The following ABCC4 variants were observed in gnomAD, a reference collection of about 807,000 sequenced individuals.
ABCC4 encodes the protein ATP binding cassette subfamily C member 4 (PEL blood group), also known as ATP-binding cassette sub-family C member 4.
A neutral mutation model predicts 168.5 loss-of-function variants in ABCC4; 102 were observed. The ratio of observed to expected loss-of-function variants is 0.61; its 90% CI spans 0.52 to 0.71. The LOEUF is 0.71. Ranked by LOEUF, ABCC4 falls within the 30% of genes least tolerant of loss-of-function variation. ABCC4 has a pLI of 0.00. For synonymous variants in ABCC4, 617 were observed against 590.7 expected, an observed-to-expected ratio of 1.04 and a Z score of -0.65; for missense variants, 1,402 against 1,605.8, an observed-to-expected ratio of 0.87 and a Z score of 2.17.
intron 4 of ABCC4, among the ~76,000 whole-genome samples, chr13:95,225,979 AAAAAAG>A: frequency 6.7e-6 from 1 of 148,752 alleles, no homozygotes; most frequent in African/African-American, 2.5e-5. Context: ...AAAAAAAAAA[AAAAAAG>A]AAAAAGAAAT....
chr13:95,021,701 AGCAT>A lies in ABCC4; in HGVS notation c.3871-23_3871-20del. On this transcript the variant is annotated intron_variant, in intron 30 of 30. Transcript: ENST00000645237. ...AGTATACCTAGAAAAAAAAAAGGTA[AGCAT>A]AAAAAGAATGTTTCAAAATTTTAAA... The A allele has an allele frequency of 6.5e-7, 1 of 1,534,360 alleles. No homozygotes were observed. The highest frequency in any genetic ancestry group is 9.0e-7 in the Non-Finnish European group (1 of 1,115,934).
rs59665124 is a variant in ABCC4 at position 95,124,713 on chromosome 13, G to GAAA, written c.2456-8715_2456-8713dup. ...GTGAAACCCTGTCTCTACTAAAAAC[G>GAAA]AAAAAAAAAAAAAAAAAAAAAGCCA... is the stretch of plus-strand genomic sequence containing the variant. On this transcript the variant is annotated intron_variant, in intron 19 of 30. Transcript: ENST00000645237. Among the ~76,000 whole-genome samples, 535 of 59,172 alleles carry GAAA rather than the reference G, an allele frequency of 9.0e-3. 66 individuals carry two copies. Among genetic ancestry groups the GAAA allele is most frequent in the African/African-American group, 0.035 (433 of 12,394 alleles). 38.8% of individuals were successfully genotyped at this position (59,172 alleles called of 152,430 possible).
chr13:95,270,354 A>G (rs552213420), intron 1 of ABCC4, among the ~76,000 whole-genome samples: 1,875 of 119,810 alleles, frequency 0.016, 34 homozygotes, highest in African/African-American at 0.072. Flanking sequence ...AAAAAAAAAA[A>G]AAAGAAAGAA....
intron 19 of ABCC4, among the ~76,000 whole-genome samples, chr13:95,143,985 C>T (rs940577309): frequency 2.0e-5 from 3 of 152,038 alleles, no homozygotes; most frequent in Admixed American, 6.6e-5. Context: ...GTGAAGAAGA[C>T]AGAGGTTAAA....
intron 26 of ABCC4, among the ~76,000 whole-genome samples, chr13:95,059,586 T>G (rs1448393259): frequency 1.3e-5 from 2 of 152,186 alleles, no homozygotes; most frequent in Non-Finnish European, 2.9e-5. Flanking sequence ...TAGCCTCACC[T>G]TTTGTTCCTT....
At chr13:95,088,450 C>T (rs570517356) in intron 20 of ABCC4, among the ~76,000 whole-genome samples, 2 of 152,268 alleles carry the variant, frequency 1.3e-5, no homozygotes, top group South Asian at 4.1e-4. Context: ...TGCATAAACA[C>T]ACTTTTCAAG....
chr13:95,167,508 A>G (rs1009988827), intron 14 of ABCC4, among the ~76,000 whole-genome samples: 1 of 151,928 alleles, frequency 6.6e-6, no homozygotes, highest in African/African-American at 2.4e-5. Context: ...AATCCTCCCC[A>G]CCCCCAAAAG....
At chr13:95,260,315 C>T (rs1163102180) in intron 1 of ABCC4, among the ~76,000 whole-genome samples, 1 of 152,092 alleles carries the variant, frequency 6.6e-6, no homozygotes, top group Non-Finnish European at 1.5e-5. Context: ...ATATGTTACC[C>T]AATTATGCCT....
At chr13:95,246,935 G>T in intron 3 of ABCC4, 40 bp downstream of exon 3, 1 of 1,601,704 alleles carries the variant, frequency 6.2e-7, no homozygotes. Flanking sequence ...TTTACTCTAT[G>T]TGTCCTGAAA....
At chr13:95,213,626 A>AC (rs1452321221) in intron 4 of ABCC4, among the ~76,000 whole-genome samples, 2 of 40,286 alleles carry the variant, frequency 5.0e-5, no homozygotes, top group African/African-American at 1.4e-4. Context: ...GGAAATCTCC[A>AC]CTGGGCCTCA....
At chr13:95,211,292 G>A (rs747843291) in intron 4 of ABCC4, among the ~76,000 whole-genome samples, 6 of 152,176 alleles carry the variant, frequency 3.9e-5, no homozygotes, top group Non-Finnish European at 8.8e-5. Flanking sequence ...GACACCAGGA[G>A]CCCCAGCAGA....
intron 9 of ABCC4, among the ~76,000 whole-genome samples, chr13:95,191,615 G>A (rs996260986): frequency 6.6e-6 from 1 of 152,208 alleles, no homozygotes; most frequent in Non-Finnish European, 1.5e-5. Flanking sequence ...TATATAAGGT[G>A]TTCCTCCTCT....
chr13:95,164,834 A>G (rs1380529670), intron 15 of ABCC4, among the ~76,000 whole-genome samples: 1 of 152,174 alleles, frequency 6.6e-6, no homozygotes, highest in Non-Finnish European at 1.5e-5. Context: ...AGCAGGGATT[A>G]CAGATGCCTG....
At chr13:95,044,479 C>A in intron 27 of ABCC4, 41 bp from the exon 28 acceptor site, 1 of 1,558,284 alleles carries the variant, frequency 6.4e-7, no homozygotes, top group Non-Finnish European at 8.7e-7. Context: ...TCATTCAAGC[C>A]GCTATGGAAG....
At chr13:95,022,690 T>G (rs919414032) in intron 30 of ABCC4, among the ~76,000 whole-genome samples, 1 of 152,220 alleles carries the variant, frequency 6.6e-6, no homozygotes, top group East Asian at 1.9e-4. Flanking sequence ...GGTCTCTTAG[T>G]CATACGATTC....
In ABCC4 at chr13:95,083,144, AGATT is replaced by A. The variant is rs1218796050; in HGVS notation, c.2678_2681del (p.Glu893ValfsTer49). The A allele has an allele frequency of 1.2e-6, 2 of 1,613,818 alleles. No individual in the cohort carries two copies. Among genetic ancestry groups the A allele is most frequent in the Non-Finnish European group, 1.7e-6 (2 of 1,179,900 alleles). ...AACCCGAGTTTCCATACTCACTTGT[AGATT>A]CCAGGCGCTTCACATCTCTTGACGT... On this transcript the variant is annotated frameshift_variant, in exon 21 of 31. Coordinates refer to ENST00000645237, the MANE Select transcript of ABCC4 (RefSeq NM_005845.5). LOFTEE classifies it high-confidence loss of function.
intron 8 of ABCC4, among the ~76,000 whole-genome samples, chr13:95,197,344 G>A (rs543649841): frequency 2.0e-5 from 3 of 152,154 alleles, no homozygotes; most frequent in African/African-American, 7.2e-5. Context: ...TGAAGTGTAC[G>A]ACCAAGACAT....
chr13:95,084,599 G>C (rs867481222), intron 20 of ABCC4, among the ~76,000 whole-genome samples: 1 of 151,860 alleles, frequency 6.6e-6, no homozygotes, highest in African/African-American at 2.4e-5. Context: ...CTGAGGAAGA[G>C]GTTTGATAAC....
chr13:95,075,777 C>T (rs1320616061), intron 21 of ABCC4: 10 of 447,844 alleles, frequency 2.2e-5, no homozygotes, highest in Admixed American at 3.9e-5. Flanking sequence ...TGGAAATAAA[C>T]GTCCTATTTT....
Sources: allele counts gnomAD v4.1 joint callset (sites outside exome capture counted in the v4.1 genomes callset), GRCh38; gene constraint gnomAD v4.1.1; transcripts MANE v1.5; gene names NCBI Gene and HGNC (gene_info 2026-07-23, HGNC 2026-07-21).